The following NBAS variants were observed in gnomAD, a reference collection of about 807,000 sequenced individuals.
NBAS encodes NAG/BC035112 fusion.
NBAS carries 219 observed loss-of-function variants against 302.5 expected under a neutral mutation model. The observed-to-expected ratio is 0.72, with a 90% confidence interval of 0.65 to 0.81. The LOEUF (loss-of-function observed/expected upper bound fraction) is 0.81, where lower values mean the gene tolerates loss of function less well. Among genes scored for constraint, NBAS ranks in the 30% least tolerant of loss-of-function variants. NBAS has a pLI of 0.00. For synonymous variants in NBAS, 1,118 were observed against 1,021.6 expected, an observed-to-expected ratio of 1.09 and a Z score of -1.80; for missense variants, 2,932 against 2,841.6, an observed-to-expected ratio of 1.03 and a Z score of -0.72.
intron 45 of NBAS, among the ~76,000 whole-genome samples, chr2:15,235,101 A>G (rs1333937161): frequency 6.6e-6 from 1 of 152,224 alleles, no homozygotes; most frequent in Non-Finnish European, 1.5e-5. Flanking sequence ...GTAATGCTCG[A>G]TAAGTATGAG....
chr2:15,348,858 C>T (rs1218670187), intron 35 of NBAS, among the ~76,000 whole-genome samples: 2 of 152,046 alleles, frequency 1.3e-5, no homozygotes, highest in Admixed American at 6.6e-5. Flanking sequence ...CTCCAGTGAC[C>T]GGACAATACC....
chr2:15,198,935 G>A (rs922731460), intron 48 of NBAS, among the ~76,000 whole-genome samples: 1 of 151,956 alleles, frequency 6.6e-6, no homozygotes, highest in Non-Finnish European at 1.5e-5. Flanking sequence ...GACCATCCTG[G>A]TTAACATGGG....
the NBAS span, among the ~76,000 whole-genome samples, chr2:15,006,342 T>C: frequency 0.35 from 53,283 of 152,002 alleles, 9,983 homozygotes; most frequent in Non-Finnish European, 0.41. Flanking sequence ...ATGATGTTCA[T>C]TATGGAATTT....
chr2:14,924,642 T>C, the NBAS span, among the ~76,000 whole-genome samples: 5 of 152,212 alleles, frequency 3.3e-5, no homozygotes, highest in African/African-American at 1.2e-4. Context: ...CTGATACTTA[T>C]AGACTTCCTT....
the NBAS span, among the ~76,000 whole-genome samples, chr2:14,872,152 C>CA: frequency 6.6e-6 from 1 of 152,074 alleles, no homozygotes; most frequent in Non-Finnish European, 1.5e-5. Flanking sequence ...AAAGATAAAA[C>CA]AGAGAGAGGG....
chr2:14,845,396 A>G, the NBAS span, among the ~76,000 whole-genome samples: 1 of 152,212 alleles, frequency 6.6e-6, no homozygotes, highest in African/African-American at 2.4e-5. Context: ...ACAACACCCA[A>G]GTTCTTTCTA....
chr2:15,554,750 A>T lies in NBAS; in HGVS notation c.210-612T>A, dbSNP rs138344222. 3.0e-3 allele frequency among the ~76,000 whole-genome samples: 457 copies of T among 151,686 alleles called. 5 individuals are homozygous for T. Among genetic ancestry groups the T allele is most frequent in the Admixed American group, 0.027 (417 of 15,192 alleles). The stretch of plus-strand genomic sequence containing the variant: ...GAAACACCTCACCATAGGCCCAGGG[A>T]GACTAAAGACTCTCTTCTCTCCCTG... On this transcript the variant is annotated intron_variant, in intron 3 of 51. Transcript: ENST00000281513.
chr2:14,846,586 A>G, the NBAS span, among the ~76,000 whole-genome samples: 4 of 152,138 alleles, frequency 2.6e-5, no homozygotes, highest in African/African-American at 9.6e-5. Context: ...GAAAGACTAA[A>G]AGATGAACCA....
intron 22 of NBAS, among the ~76,000 whole-genome samples, chr2:15,424,700 A>G (rs1382985626): frequency 6.6e-6 from 1 of 152,208 alleles, no homozygotes; most frequent in Non-Finnish European, 1.5e-5. Context: ...ATCAGAAGGC[A>G]TAATACATCA....
chr2:15,427,177 A>G (rs1349380073), intron 22 of NBAS, among the ~76,000 whole-genome samples: 1 of 152,138 alleles, frequency 6.6e-6, no homozygotes, highest in Non-Finnish European at 1.5e-5. Flanking sequence ...CTTGTCTCAC[A>G]TGAAAAAAGA....
chr2:15,019,195 C>T, the NBAS span, among the ~76,000 whole-genome samples: 1 of 152,152 alleles, frequency 6.6e-6, no homozygotes, highest in South Asian at 2.1e-4. Context: ...TGGGTCTCTA[C>T]AATCAGAGCC....
chr2:15,292,547 C>T lies in NBAS; in HGVS notation c.5017G>A (p.Gly1673Ser). 1 of 1,614,118 alleles carries T rather than the reference C, an allele frequency of 6.2e-7. No homozygotes were observed. Among genetic ancestry groups the T allele is most frequent in the South Asian group, 1.1e-5 (1 of 91,072 alleles). Residue 1673 changes from glycine (G) to serine (S), a missense_variant, in exon 41 of 52, where the codon GGT (glycine) becomes AGT (serine). Coordinates refer to ENST00000281513, the MANE Select transcript of NBAS (RefSeq NM_015909.4). ...AAGGGTATCACTTACTCTGCCAGAC[C>T]AAGGATAGTTTCCCTTTTATACTGG... ...DDQYKRETIL[G>S]LAETLEESVY...
chr2:14,998,336 G>T, the NBAS span, among the ~76,000 whole-genome samples: 1 of 152,206 alleles, frequency 6.6e-6, no homozygotes, highest in Non-Finnish European at 1.5e-5. Context: ...TGCCCAGTCT[G>T]CCAGCCAGCT....
intron 48 of NBAS, among the ~76,000 whole-genome samples, chr2:15,217,637 G>C (rs1413678946): frequency 6.6e-6 from 1 of 152,242 alleles, no homozygotes; most frequent in Admixed American, 6.5e-5. Context: ...AACCCTGCGT[G>C]CTAAAGCACG....
the NBAS span, among the ~76,000 whole-genome samples, chr2:14,906,551 C>T: frequency 1.3e-5 from 2 of 152,168 alleles, no homozygotes; most frequent in African/African-American, 4.8e-5. Flanking sequence ...GCTATTGTTC[C>T]TACCCAGGCC....
the NBAS span, among the ~76,000 whole-genome samples, chr2:14,797,576 C>T: frequency 2.6e-5 from 4 of 152,212 alleles, no homozygotes; most frequent in African/African-American, 9.6e-5. Context: ...ACTGCATCCC[C>T]CTCATCTGGA....
intron 50 of NBAS, among the ~76,000 whole-genome samples, 158 bp downstream of exon 50, chr2:15,186,584 C>A (rs985138617): frequency 2.0e-5 from 3 of 152,136 alleles, no homozygotes; most frequent in African/African-American, 7.2e-5. Context: ...ATCCTTTCAG[C>A]ACTGCTTTTC....
chr2:15,539,853 T>A lies in NBAS; in HGVS notation c.380-497A>T, dbSNP rs571575899. Among the ~76,000 whole-genome samples, 4 of 151,006 alleles carry A rather than the reference T, an allele frequency of 2.6e-5. No homozygotes were observed. In the South Asian group the frequency reaches 8.3e-4, roughly 31 times the overall value. ...ATTAGAAAGGGGGGAAATATATATA[T>A]ATATACACACACACACACACTCACA... On this transcript the variant is annotated intron_variant, in intron 6 of 51. Coordinates refer to ENST00000281513, the MANE Select transcript of NBAS (RefSeq NM_015909.4).
the NBAS span, among the ~76,000 whole-genome samples, chr2:15,119,732 G>A: frequency 2.6e-5 from 4 of 152,178 alleles, no homozygotes; most frequent in Admixed American, 2.0e-4. Flanking sequence ...GGAGAGCTCG[G>A]TCCCATGTAC....
Sources: gnomAD v4.1 joint callset for allele counts (sites outside exome capture counted in the v4.1 genomes callset) on GRCh38, gnomAD v4.1.1 for gene constraint, MANE v1.5 for transcripts, NCBI Gene and HGNC (gene_info 2026-07-23, HGNC 2026-07-21) for gene names.